The following NOP53 variants were observed in gnomAD, a reference collection of about 807,000 sequenced individuals.
NOP53 encodes the protein NOP53 ribosome biogenesis factor.
A neutral mutation model predicts 61.0 loss-of-function variants in NOP53; 40 were observed. The observed-to-expected ratio is 0.66, with a 90% confidence interval of 0.51 to 0.85. The LOEUF (loss-of-function observed/expected upper bound fraction) is 0.85. Among genes scored for constraint, NOP53 ranks in the 40% least tolerant of loss-of-function variants. NOP53 has a pLI of 0.00. For missense variants in NOP53, 689 were observed against 652.9 expected, an observed-to-expected ratio of 1.06 and a Z score of -0.60; for synonymous variants, 308 against 289.5, an observed-to-expected ratio of 1.06 and a Z score of -0.65.
intron 2 of NOP53, among the ~76,000 whole-genome samples, chr19:47,748,785 C>T (rs1967092473): frequency 6.6e-6 from 1 of 152,076 alleles, no homozygotes; most frequent in Non-Finnish European, 1.5e-5. Context: ...ATCCCAGCTA[C>T]TGAGAAGCGC....
In NOP53 at chr19:47,754,308, C is replaced by T; in HGVS notation, c.766-219C>T. 1 of 559,590 alleles carries T rather than the reference C, an allele frequency of 1.8e-6. No individual in the cohort carries two copies. Among genetic ancestry groups the T allele is most frequent in the Non-Finnish European group, 3.2e-6 (1 of 310,540 alleles). The allele number at this position is 559,590 out of a possible 1,614,324, so 34.7% of individuals were successfully genotyped here. ...AAAAATGTGAAGCGTGCAGGTCAGA[C>T]TGCCTTCACAGACGTGCAGAGCAGG... On this transcript the variant is annotated intron_variant, in intron 6 of 12. Coordinates refer to ENST00000246802, the MANE Select transcript of NOP53 (RefSeq NM_015710.5). The surrounding 1 kb of genome is among the most constrained non-coding windows in gnomAD (Gnocchi z 4.2).
intron 8 of NOP53, 131 bp from the exon 9 acceptor site, chr19:47,755,217 C>T: frequency 1.7e-6 from 1 of 602,806 alleles, no homozygotes; most frequent in Non-Finnish European, 2.7e-6. Context: ...GGAGGGGCCG[C>T]TGATGTGACG....
rs566362508 is a variant in NOP53, at chr19:47,756,050, C to A, written c.1296+228C>A. ...AGAAGGCCTTTCCTTCCAGCTGGTC[C>A]CTGTTGCAGTCCCGGTCACCTTTAG... On this transcript the variant is annotated intron_variant, in intron 10 of 12. Transcript: ENST00000246802. 3.4e-4 allele frequency: 199 copies of A among 581,594 alleles called. 1 individual carries two copies. Among genetic ancestry groups the A allele is most frequent in the African/African-American group, 3.4e-3 (180 of 53,384 alleles). 36.0% of individuals were successfully genotyped at this position (581,594 alleles called of 1,614,324 possible).
At chr19:47,752,691 A>C in intron 6 of NOP53, 84 bp downstream of exon 6, 1 of 863,274 alleles carries the variant, frequency 1.2e-6, no homozygotes, top group Non-Finnish European at 2.0e-6. Context: ...TGTGCTGGGA[A>C]CTCCAATGAC....
chr19:47,746,927 C>T (rs758701962), intron 1 of NOP53, 40 bp from the exon 2 acceptor site: 1 of 1,555,574 alleles, frequency 6.4e-7, no homozygotes, highest in East Asian at 2.2e-5. Context: ...TCTTTCCTCT[C>T]CAACATCTCT....
intron 4 of NOP53, 146 bp downstream of exon 4, chr19:47,751,253 G>T (rs1280632970): frequency 2.6e-6 from 2 of 770,206 alleles, no homozygotes; most frequent in Non-Finnish European, 4.2e-6. Flanking sequence ...GCGTCCTGAA[G>T]GGGCGGCCGT....
rs1394904697 is a variant in NOP53 at position 47,752,586 on chromosome 19, T to C, written c.744T>C (p.Asn248=). ...VEVAPAGASY[N]PSFEDHQTLL... is the part of the protein sequence containing the mutation. Reference sequence around the variant, plus strand: ...TGGCGCCTGCCGGAGCTTCCTACAATCCATCCTTTGAAGACCACCAGGTAC... The same window carrying C: ...TGGCGCCTGCCGGAGCTTCCTACAACCCATCCTTTGAAGACCACCAGGTAC... The change falls in exon 6 of 13, where the codon AAT becomes AAC. Residue 248 remains asparagine, a synonymous_variant. Coordinates refer to ENST00000246802, the MANE Select transcript of NOP53 (RefSeq NM_015710.5). The C allele has an allele frequency of 1.9e-6, 3 of 1,609,520 alleles. No homozygotes were observed. The East Asian group carries it at 6.7e-5, about 36-fold the overall frequency.
intron 2 of NOP53, among the ~76,000 whole-genome samples, chr19:47,749,641 A>G (rs982709655): frequency 2.0e-5 from 3 of 151,916 alleles, no homozygotes; most frequent in African/African-American, 7.2e-5. Flanking sequence ...AAAGACAGTA[A>G]AAACCAGAGA....
chr19:47,751,549 G>T lies in NOP53; in HGVS notation c.628G>T (p.Asp210Tyr). The T allele has an allele frequency of 6.2e-7, 1 of 1,614,096 alleles. No homozygotes were observed. Among genetic ancestry groups the T allele is most frequent in the Non-Finnish European group, 8.5e-7 (1 of 1,180,012 alleles). Residue 210 changes from aspartate (D) to tyrosine (Y), a missense_variant, in exon 5 of 13, where the codon GAT (aspartate) becomes TAT (tyrosine). Transcript: ENST00000246802. ...CCTGGACAGGCCGTTGGTTGGCCAG[G>T]ATGAGTTTTTCCTGGAGCAGACCAA... ...NPLDRPLVGQ[D>Y]EFFLEQTKKK... is the part of the protein sequence containing the mutation.
intron 10 of NOP53, 82 bp downstream of exon 10, chr19:47,755,904 C>T (rs1010750285): frequency 2.3e-5 from 28 of 1,192,962 alleles, no homozygotes; most frequent in African/African-American, 1.2e-4. Flanking sequence ...GGGCTATGGG[C>T]GACACCATGG....
chr19:47,756,587 G>T lies in NOP53; in HGVS notation c.1356G>T (p.Glu452Asp), dbSNP rs367817798. 47 of 1,613,958 alleles carry T rather than the reference G, an allele frequency of 2.9e-5. No individual in the cohort carries two copies. The Admixed American group carries it at 3.2e-4, about 11-fold the overall frequency. Residue 452 changes from glutamate (E) to aspartate (D), a missense_variant, in exon 11 of 13, where the codon GAG (glutamate) becomes GAT (aspartate). By Grantham distance (45) the Glu-to-Asp change is conservative (BLOSUM62 2). Transcript: ENST00000246802. ...FKSFQRRNMI[E>D]PRERAKFKRK... ...GCTTCCAGAGGAGGAATATGATCGA[G>T]CCTCGAGAGAGAGCCAAGTAAGGGG...
chr19:47,755,260 T>G, intron 8 of NOP53, 88 bp from the exon 9 acceptor site: 3 of 867,592 alleles, frequency 3.5e-6, no homozygotes, highest in Non-Finnish European at 5.0e-6. Flanking sequence ...ACAGGCAGGT[T>G]TGTGCAGGGA....
chr19:47,750,801 G>T (rs1273684236), intron 3 of NOP53, 107 bp from the exon 4 acceptor site: 4 of 863,662 alleles, frequency 4.6e-6, no homozygotes, highest in Non-Finnish European at 7.5e-6. Flanking sequence ...TGGAGAGGGG[G>T]TGCTGAAGCT....
In NOP53 at chr19:47,755,332, T is replaced by C. The variant is rs1568600513; in HGVS notation, c.1054-16T>C. The C allele has an allele frequency of 1.4e-6, 2 of 1,473,270 alleles. No homozygotes were observed. Among genetic ancestry groups the C allele is most frequent in the Non-Finnish European group, 8.9e-7 (1 of 1,118,726 alleles). 91.3% of individuals were successfully genotyped at this position (1,473,270 alleles called of 1,614,324 possible). ...GCAGCACCGGCCTGAGCCCTGACCC[T>C]CCCCCGTCTCCACAGCGGGTACAGC... On this transcript the variant is annotated splice_polypyrimidine_tract_variant and intron_variant, in intron 8 of 12. Transcript: ENST00000246802.
intron 3 of NOP53, 71 bp from the exon 4 acceptor site, chr19:47,750,837 G>T (rs1008347673): frequency 3.8e-6 from 5 of 1,324,826 alleles, no homozygotes; most frequent in African/African-American, 2.9e-5. Flanking sequence ...GAAGCCCGAC[G>T]GGGAGGAGGC....
chr19:47,756,700 G>T lies in NOP53; in HGVS notation c.1386G>T (p.Lys462Asn). 1.2e-6 allele frequency: 2 copies of T among 1,613,922 alleles called. No homozygotes were observed. Among genetic ancestry groups the T allele is most frequent in the Non-Finnish European group, 1.7e-6 (2 of 1,180,016 alleles). Residue 462 changes from lysine to asparagine, a missense_variant, in exon 12 of 13, where the codon AAG becomes AAT. By Grantham distance (94) the Lys-to-Asn change is moderately conservative (BLOSUM62 0). Transcript: ENST00000246802. ...EPRERAKFKR[K>N]YKVKLVEKRA... ...GTCCCTGCTCCAGGTTCAAACGCAA[G>T]TACAAGGTGAAGCTGGTGGAGAAGC...
intron 2 of NOP53, among the ~76,000 whole-genome samples, chr19:47,749,971 A>C (rs1475857435): frequency 2.0e-5 from 3 of 152,140 alleles, no homozygotes; most frequent in African/African-American, 7.2e-5. Flanking sequence ...CTGCTGGCCC[A>C]GCACTTGGTT....
chr19:47,756,006 GT>G, intron 10 of NOP53, 184 bp downstream of exon 10: 1 of 598,900 alleles, frequency 1.7e-6, no homozygotes, highest in Non-Finnish European at 3.0e-6. Context: ...CCAGGCTAAG[GT>G]TTGAGTCCGG....
rs548899306 is a variant in NOP53 at position 47,756,016 on chromosome 19, G to T, written c.1296+194G>T. ...AGGGGCCAGGCTAAGGTTTGAGTCCGGGACCCTAAGAAGGCCTTTCCTTCC... is the reference window on the plus strand; with the variant it reads ...AGGGGCCAGGCTAAGGTTTGAGTCCTGGACCCTAAGAAGGCCTTTCCTTCC... On this transcript the variant is annotated intron_variant, in intron 10 of 12. Transcript: ENST00000246802. 15 of 593,636 alleles carry T rather than the reference G, an allele frequency of 2.5e-5. 1 individual carries two copies. The Admixed American group carries it at 4.5e-4, about 18-fold the overall frequency. 36.8% of individuals were successfully genotyped at this position (593,636 alleles called of 1,614,324 possible). A position where few individuals can be genotyped will look rare whatever the true frequency, so the allele number is the denominator to read the frequency against.
Sources: gnomAD v4.1 joint callset for allele counts (sites outside exome capture counted in the v4.1 genomes callset) on GRCh38, gnomAD v4.1.1 for gene constraint, Gnocchi (gnomAD v3.1) non-coding constraint, MANE v1.5 for transcripts, NCBI Gene and HGNC (gene_info 2026-07-23, HGNC 2026-07-21) for gene names.